Variants in LRRCC1 observed in about 807,000 individuals in gnomAD.
LRRCC1 encodes the protein leucine rich repeat and coiled-coil centrosomal protein 1, also known as leucine-rich repeat and coiled-coil domain-containing protein 1.
In LRRCC1, 115 loss-of-function variants were observed where a neutral mutation model predicts 126.0. That is an observed-to-expected ratio of 0.91 (90% CI 0.78 to 1.07). LRRCC1 has a LOEUF of 1.07. LRRCC1 is among the 50% of genes least tolerant of loss of function. The pLI is 0.00. For missense variants in LRRCC1, 1,172 were observed against 1,175.7 expected (o/e 1.00, Z 0.05); for synonymous variants, 400 against 393.4 (o/e 1.02, Z -0.20).
chr8:85,135,177 A>C (rs897724770), intron 13 of LRRCC1, 145 bp downstream of exon 13: 1 of 511,584 alleles, frequency 2.0e-6, no homozygotes, highest in African/African-American at 2.0e-5. Context: ...ATAACTAAAG[A>C]AATTAAGCTC....
chr8:85,113,171 A>G, intron 4 of LRRCC1, 72 bp downstream of exon 4: 2 of 1,159,800 alleles, frequency 1.7e-6, no homozygotes, highest in South Asian at 2.8e-5. Context: ...TGAAATTGGC[A>G]TTCGTGACCT....
chr8:85,130,905 G>C (rs181339681), intron 11 of LRRCC1, among the ~76,000 whole-genome samples: 1 of 152,284 alleles, frequency 6.6e-6, no homozygotes, highest in East Asian at 1.9e-4. Flanking sequence ...AAAGAAAAAG[G>C]CAGTAGGTCA....
intron 6 of LRRCC1, among the ~76,000 whole-genome samples, chr8:85,120,810 T>C (rs1331124110): frequency 6.6e-6 from 1 of 152,236 alleles, no homozygotes; most frequent in Non-Finnish European, 1.5e-5. Context: ...ACCAAATAAT[T>C]ATTCCATTGT....
intron 17 of LRRCC1, among the ~76,000 whole-genome samples, chr8:85,138,921 C>G (rs775308363): frequency 2.0e-5 from 3 of 152,070 alleles, no homozygotes; most frequent in Non-Finnish European, 4.4e-5. Context: ...TGGCAAGCGC[C>G]TGTAATCCCA....
At chr8:85,118,577 G>A (rs539826290) in intron 6 of LRRCC1, among the ~76,000 whole-genome samples, 7 of 152,172 alleles carry the variant, frequency 4.6e-5, no homozygotes, top group Non-Finnish European at 1.0e-4. Flanking sequence ...ATTCTAGTGG[G>A]AGTATCCTGA....
chr8:85,107,594 C>G (rs1808343262), intron 1 of LRRCC1, 195 bp downstream of exon 1: 1 of 486,564 alleles, frequency 2.1e-6, no homozygotes, highest in Non-Finnish European at 3.6e-6. Context: ...CCGTGGATGC[C>G]TTCCCGCCCG....
intron 14 of LRRCC1, among the ~76,000 whole-genome samples, chr8:85,136,485 G>A (rs1810882015): frequency 6.6e-6 from 1 of 152,026 alleles, no homozygotes; most frequent in African/African-American, 2.4e-5. Flanking sequence ...ATGTTGGCCA[G>A]GCTGGTCTCA....
At chr8:85,125,659 C>T (rs1400816211) in intron 8 of LRRCC1, among the ~76,000 whole-genome samples, 1 of 62,948 alleles carries the variant, frequency 1.6e-5, no homozygotes, top group East Asian at 3.2e-4. Context: ...GGCGACAGAG[C>T]GAGACTCCGT....
chr8:85,115,613 C>CTTCAATAAACT lies in LRRCC1; in HGVS notation c.930+29_930+30insTTCAATAAACT, dbSNP rs776940676. On this transcript the variant is annotated intron_variant, in intron 6 of 18. Coordinates refer to ENST00000360375, the MANE Select transcript of LRRCC1 (RefSeq NM_033402.5). ...ACTATTTTTCCTACTTCTCTATAGA[C>CTTCAATAAACT]ATGTTTATTGAAGAAAACATAGTTA... The CTTCAATAAACT allele has an allele frequency of 2.8e-6, 4 of 1,423,846 alleles. No homozygotes were observed. The Admixed American group carries it at 7.6e-5, about 27-fold the overall frequency. 88.2% of individuals were successfully genotyped at this position (1,423,846 alleles called of 1,614,324 possible). A position where few individuals can be genotyped will look rare whatever the true frequency, so the allele number is the denominator to read the frequency against.
chr8:85,137,557 A>G lies in LRRCC1; in HGVS notation c.2423A>G (p.Asp808Gly). The G allele has an allele frequency of 7.1e-6, 11 of 1,553,960 alleles. No individual in the cohort carries two copies. Among genetic ancestry groups the G allele is most frequent in the Non-Finnish European group, 9.5e-6 (11 of 1,155,002 alleles). The stretch of plus-strand genomic sequence containing the variant: ...TGTCTGCGAAAGACAAATGAAAGTG[A>G]TAGTGATGCATTAAGAATAAAGTGC... ...NECLRKTNES[D>G]SDALRIKCKI... Residue 808 changes from aspartate to glycine, a missense_variant, in exon 15 of 19, where the codon GAT becomes GGT. Coordinates refer to ENST00000360375, the MANE Select transcript of LRRCC1 (RefSeq NM_033402.5).
At chr8:85,124,659 G>T (rs1809829976) in intron 7 of LRRCC1, 133 bp from the exon 8 acceptor site, 1 of 490,940 alleles carries the variant, frequency 2.0e-6, no homozygotes, top group South Asian at 5.1e-5. Context: ...GAAGCAGTTT[G>T]TCCAAGTTAC....
Position 85,129,321 on chromosome 8 carries a change from C to A in LRRCC1, c.1568C>A (p.Thr523Asn). 1.9e-6 allele frequency: 3 copies of A among 1,612,864 alleles called. No individual in the cohort carries two copies. Among genetic ancestry groups the A allele is most frequent in the Non-Finnish European group, 2.5e-6 (3 of 1,179,722 alleles). ...GAGGATCACCTTAAACACTTAAGAA[C>A]CCTCGAAAAAACATTAGAAAAAATG... The part of the protein sequence containing the change: ...QQEDHLKHLR[T>N]LEKTLEKMER... Residue 523 changes from threonine to asparagine, a missense_variant, in exon 10 of 19, where the codon ACC becomes AAC. Thr to Asn is a moderately conservative substitution (Grantham distance 65). Coordinates refer to ENST00000360375, the MANE Select transcript of LRRCC1 (RefSeq NM_033402.5).
intron 8 of LRRCC1, among the ~76,000 whole-genome samples, 177 bp downstream of exon 8, chr8:85,125,116 G>T (rs1221999856): frequency 6.6e-6 from 1 of 152,092 alleles, no homozygotes; most frequent in Non-Finnish European, 1.5e-5. Flanking sequence ...TTGAACGAAT[G>T]AAAATTACAT....
At chr8:85,118,099 T>C (rs1335539220) in intron 6 of LRRCC1, among the ~76,000 whole-genome samples, 1 of 152,104 alleles carries the variant, frequency 6.6e-6, no homozygotes, top group Non-Finnish European at 1.5e-5. Flanking sequence ...TTAATATTTG[T>C]TTTAGAACCT....
intron 6 of LRRCC1, 95 bp from the exon 7 acceptor site, chr8:85,123,318 A>G (rs1809711628): frequency 1.2e-6 from 1 of 836,728 alleles, no homozygotes. Context: ...TAAACCCTTA[A>G]TCATATAAAA....
rs1422126189 is a variant in LRRCC1 at position 85,123,706 on chromosome 8, G to T, written c.1124+100G>T. ...TGGTGATATTTGTTACTTTACTAAT[G>T]TTGAAGATTTGATTTTTCAGCCTTG... On this transcript the variant is annotated intron_variant, in intron 7 of 18. Coordinates refer to ENST00000360375, the MANE Select transcript of LRRCC1 (RefSeq NM_033402.5). 3 of 894,486 alleles carry T rather than the reference G, an allele frequency of 3.4e-6. No individual in the cohort carries two copies. The African/African-American group carries it at 5.2e-5, about 15-fold the overall frequency. 55.4% of individuals were successfully genotyped at this position (894,486 alleles called of 1,614,324 possible). A position where few individuals can be genotyped will look rare whatever the true frequency, so the allele number is the denominator to read the frequency against.
intron 17 of LRRCC1, among the ~76,000 whole-genome samples, chr8:85,139,422 G>A (rs558183828): frequency 2.6e-5 from 4 of 152,058 alleles, no homozygotes; most frequent in African/African-American, 9.6e-5. Context: ...GCACCACAAC[G>A]CCCAGCTAAT....
At chr8:85,142,891 A>G (rs1274221433) in intron 18 of LRRCC1, among the ~76,000 whole-genome samples, 1 of 152,100 alleles carries the variant, frequency 6.6e-6, no homozygotes, top group African/African-American at 2.4e-5. Flanking sequence ...TGTTTAAATG[A>G]CATTATCCTC....
At chr8:85,122,189 T>C (rs1381778224) in intron 6 of LRRCC1, among the ~76,000 whole-genome samples, 4 of 152,204 alleles carry the variant, frequency 2.6e-5, no homozygotes, top group Non-Finnish European at 5.9e-5. Context: ...GTCAAGAATT[T>C]GTCTCTCTTT....
Sources: allele counts gnomAD v4.1 joint callset (sites outside exome capture counted in the v4.1 genomes callset), GRCh38; gene constraint gnomAD v4.1.1; transcripts MANE v1.5; gene names NCBI Gene and HGNC (gene_info 2026-07-23, HGNC 2026-07-21).